The following RAPGEF5 variants were observed in gnomAD, a reference collection of about 807,000 sequenced individuals.
RAPGEF5 encodes Rap guanine nucleotide exchange factor 5, also known as M-Ras-regulated GEF.
Under a neutral mutation model 125.2 loss-of-function variants are expected in RAPGEF5, and 65 were observed. The observed-to-expected ratio is 0.52, with a 90% CI of 0.43 to 0.64. RAPGEF5 has a LOEUF of 0.64. Ranked by LOEUF, RAPGEF5 falls within the 30% of genes least tolerant of loss-of-function variation. RAPGEF5 has a pLI of 0.00. For synonymous variants in RAPGEF5, 391 were observed against 385.9 expected, an observed-to-expected ratio of 1.01 and a Z score of -0.16; for missense variants, 958 against 1,048.1, an observed-to-expected ratio of 0.91 and a Z score of 1.19.
At chr7:22,215,917 A>G (rs538046289) in intron 9 of RAPGEF5, among the ~76,000 whole-genome samples, 1 of 152,228 alleles carries the variant, frequency 6.6e-6, no homozygotes, top group African/African-American at 2.4e-5. Flanking sequence ...AACTGCAGGC[A>G]AACAAAGCAA....
At chr7:22,263,503 G>A (rs1337705821) in intron 7 of RAPGEF5, among the ~76,000 whole-genome samples, 3 of 152,138 alleles carry the variant, frequency 2.0e-5, no homozygotes, top group African/African-American at 4.8e-5. Context: ...ACAGAGACGG[G>A]TGGATCACCT....
chr7:22,290,573 G>A (rs1286353933), intron 6 of RAPGEF5, among the ~76,000 whole-genome samples: 13 of 151,820 alleles, frequency 8.6e-5, no homozygotes, highest in Admixed American at 3.9e-4. Flanking sequence ...GTGAAACCCC[G>A]TCTCTACTAA....
intron 1 of RAPGEF5, among the ~76,000 whole-genome samples, chr7:22,343,806 T>G (rs545630375): frequency 6.6e-6 from 1 of 152,244 alleles, no homozygotes; most frequent in African/African-American, 2.4e-5. Flanking sequence ...TTTCAGAACA[T>G]GTTCAATACA....
intron 6 of RAPGEF5, among the ~76,000 whole-genome samples, chr7:22,272,654 AT>A (rs1782463460): frequency 6.6e-6 from 1 of 152,224 alleles, no homozygotes; most frequent in African/African-American, 2.4e-5. Context: ...TTCCCAAAAA[AT>A]ATACAACTTT....
At chr7:22,144,114 C>G (rs919022403) in intron 20 of RAPGEF5, among the ~76,000 whole-genome samples, 1 of 152,172 alleles carries the variant, frequency 6.6e-6, no homozygotes, top group Non-Finnish European at 1.5e-5. Flanking sequence ...AAAGAACAGA[C>G]CCTTGATATG....
Position 22,162,494 on chromosome 7 carries a change from G to T in RAPGEF5, c.1331C>A (p.Pro444Gln). 1 of 1,608,792 alleles carries T rather than the reference G, an allele frequency of 6.2e-7. No individual in the cohort carries two copies. Among genetic ancestry groups the T allele is most frequent in the Non-Finnish European group, 8.5e-7 (1 of 1,175,286 alleles). Reference sequence around the variant, plus strand: ...ATGCAAGACTTTACGTTTCCTACGCGGAACGTCTGAGTTTTCCTCTTTGCC... The same window carrying T: ...ATGCAAGACTTTACGTTTCCTACGCTGAACGTCTGAGTTTTCCTCTTTGCC... The part of the protein sequence containing the change: ...YQGKEENSDV[P>Q]RRKRKVLHLV... The change falls in exon 13 of 26, where the codon CCG becomes CAG. Residue 444 changes from proline to glutamine, a missense_variant. Physicochemically the swap from Pro to Gln is moderately conservative, Grantham distance 76. Transcript: ENST00000665637.
intron 6 of RAPGEF5, among the ~76,000 whole-genome samples, chr7:22,276,481 G>C (rs961663121): frequency 6.6e-6 from 1 of 152,164 alleles, no homozygotes; most frequent in Non-Finnish European, 1.5e-5. Flanking sequence ...AGACATTCTA[G>C]GGATCTTCTA....
At chr7:22,293,058 C>G (rs1352299782) in intron 5 of RAPGEF5, among the ~76,000 whole-genome samples, 3 of 152,222 alleles carry the variant, frequency 2.0e-5, no homozygotes, top group Non-Finnish European at 2.9e-5. Context: ...GCAAAAACAT[C>G]TCTTAAGGAA....
intron 7 of RAPGEF5, among the ~76,000 whole-genome samples, chr7:22,259,941 G>A (rs746321313): frequency 2.6e-5 from 4 of 152,148 alleles, no homozygotes; most frequent in East Asian, 1.9e-4. Flanking sequence ...AAAATTACCC[G>A]GGTGTGGTGG....
At chr7:22,277,102 CAGTGCTTAA>C (rs1782574903) in intron 6 of RAPGEF5, among the ~76,000 whole-genome samples, 1 of 152,180 alleles carries the variant, frequency 6.6e-6, no homozygotes, top group Non-Finnish European at 1.5e-5. Context: ...AATGTGTAAA[CAGTGCTTAA>C]AGTGCTTTTT....
chr7:22,227,443 G>A (rs1373618408), intron 8 of RAPGEF5, among the ~76,000 whole-genome samples: 1 of 152,144 alleles, frequency 6.6e-6, no homozygotes. Context: ...ATAATAGAAT[G>A]ATTGATTCAA....
chr7:22,216,559 C>T (rs537841028), intron 9 of RAPGEF5, among the ~76,000 whole-genome samples: 1 of 152,162 alleles, frequency 6.6e-6, no homozygotes, highest in Non-Finnish European at 1.5e-5. Flanking sequence ...TCTGTTGGCA[C>T]AGTCACAGAA....
Position 22,233,003 on chromosome 7 carries a change from C to T in RAPGEF5, c.797-2084G>A, listed in dbSNP as rs372285205. ...TTCTTCTATTTTTCAGAGAAAAGTT[C>T]CATTCATGCCTGTTCAAAGGGGGTT... On this transcript the variant is annotated intron_variant, in intron 7 of 25. Transcript: ENST00000665637. Among the ~76,000 whole-genome samples the T allele has an allele frequency of 4.6e-5, 7 of 152,294 alleles. No individual in the cohort carries two copies. The East Asian group carries it at 5.8e-4, about 13-fold the overall frequency.
intron 1 of RAPGEF5, among the ~76,000 whole-genome samples, chr7:22,344,537 C>T (rs1268803919): frequency 6.6e-6 from 1 of 152,178 alleles, no homozygotes. Flanking sequence ...AAAAAGAGAG[C>T]AAGCAGGAAG....
intron 1 of RAPGEF5, among the ~76,000 whole-genome samples, chr7:22,337,934 C>G (rs1369248880): frequency 6.6e-6 from 1 of 152,218 alleles, no homozygotes; most frequent in African/African-American, 2.4e-5. Context: ...TACCTATATG[C>G]AACCTTTGTT....
intron 6 of RAPGEF5, among the ~76,000 whole-genome samples, chr7:22,281,921 G>A (rs1477712472): frequency 6.6e-6 from 1 of 152,050 alleles, no homozygotes; most frequent in Non-Finnish European, 1.5e-5. Context: ...TCTGCCCACC[G>A]GATACACAGA....
chr7:22,154,702 ACC>A, intron 16 of RAPGEF5, 98 bp from the exon 17 acceptor site: 66 of 1,355,192 alleles, frequency 4.9e-5, no homozygotes, highest in Middle Eastern at 2.6e-4. Flanking sequence ...TTCTAAATCA[ACC>A]CACCTGGCTA....
intron 18 of RAPGEF5, among the ~76,000 whole-genome samples, chr7:22,150,074 C>CTTTTTTTTTTTTTTTTTTTTTTTTTT (rs71550462): frequency 1.3e-5 from 1 of 76,288 alleles, no homozygotes; most frequent in Non-Finnish European, 2.5e-5. Flanking sequence ...ACGTGTGTTC[C>CTTTTTTTTTTTTTTTTTTTTTTTTTT]TTTTTTTTTT....
chr7:22,356,931 C>G lies in RAPGEF5; in HGVS notation c.130G>C (p.Glu44Gln). The G allele has an allele frequency of 3.7e-6, 4 of 1,073,496 alleles. No individual in the cohort carries two copies. The highest frequency in any genetic ancestry group is 4.5e-6 in the Non-Finnish European group (4 of 888,732). The allele number at this position is 1,073,496 out of a possible 1,614,324, so 66.5% of individuals were successfully genotyped here. Residue 44 changes from glutamate to glutamine, a missense_variant, in exon 1 of 26, where the codon GAG becomes CAG. Physicochemically the swap from Glu to Gln is conservative, Grantham distance 29 (BLOSUM62 2). Transcript: ENST00000665637. ...GGCCGCAGCGACGCCGGCGGCTGCT[C>G]GCGCTCGGGCTCCCGGGCGCTGGGG... Reference protein sequence around the residue: ...RSPSAREPEREQPPASLRPRL... With the variant: ...RSPSAREPERQQPPASLRPRL...
Sources: allele counts gnomAD v4.1 joint callset (sites outside exome capture counted in the v4.1 genomes callset), GRCh38; gene constraint gnomAD v4.1.1; transcripts MANE v1.5; gene names NCBI Gene and HGNC (gene_info 2026-07-23, HGNC 2026-07-21).